Variants in CDH9 observed in about 807,000 individuals in gnomAD.
The protein encoded by CDH9 is cadherin-9.
In CDH9, 28 loss-of-function variants were observed where a neutral mutation model predicts 70.9. The ratio of observed to expected loss-of-function variants is 0.40; its 90% CI spans 0.29 to 0.54. The LOEUF (loss-of-function observed/expected upper bound fraction) is 0.54, where lower values mean the gene tolerates loss of function less well. Among genes scored for constraint, CDH9 ranks in the 20% least tolerant of loss-of-function variants. The pLI, the probability that CDH9 is intolerant of heterozygous loss-of-function variation, is 0.59. For synonymous variants in CDH9, 409 were observed against 343.1 expected (o/e 1.19, Z -2.12); for missense variants, 874 against 984.4 (o/e 0.89, Z 1.50).
intron 2 of CDH9, among the ~76,000 whole-genome samples, chr5:26,962,765 T>C (rs1742059425): frequency 6.6e-6 from 1 of 152,150 alleles, no homozygotes; most frequent in Non-Finnish European, 1.5e-5. Context: ...TATTATACTT[T>C]AAGTTCTAGA....
intron 1 of CDH9, among the ~76,000 whole-genome samples, chr5:27,035,174 T>C (rs955335966): frequency 8.4e-6 from 1 of 118,530 alleles, no homozygotes; most frequent in Non-Finnish European, 1.8e-5. Flanking sequence ...TGCATATGTA[T>C]ATATATATAT....
intron 1 of CDH9, among the ~76,000 whole-genome samples, chr5:27,023,516 A>G (rs1743173867): frequency 6.6e-6 from 1 of 152,034 alleles, no homozygotes; most frequent in African/African-American, 2.4e-5. Context: ...TATTTATATA[A>G]CTACTCTAGT....
chr5:26,924,999 C>A (rs1182455235), intron 2 of CDH9, among the ~76,000 whole-genome samples: 4 of 152,032 alleles, frequency 2.6e-5, no homozygotes, highest in African/African-American at 9.7e-5. Context: ...GTGAATAGTG[C>A]CACAATAAAC....
intron 2 of CDH9, among the ~76,000 whole-genome samples, chr5:26,929,946 T>G (rs1280399675): frequency 1.3e-5 from 2 of 151,902 alleles, no homozygotes; most frequent in Non-Finnish European, 2.9e-5. Context: ...CAACAAGGAT[T>G]GTCAAAAATA....
At chr5:26,901,081 T>A (rs1311522349) in intron 7 of CDH9, among the ~76,000 whole-genome samples, 2 of 151,998 alleles carry the variant, frequency 1.3e-5, no homozygotes, top group African/African-American at 4.8e-5. Context: ...ACGGCTAGAT[T>A]AATTTTTCAT....
chr5:27,018,685 T>C (rs1743086968), intron 1 of CDH9, among the ~76,000 whole-genome samples: 2 of 151,950 alleles, frequency 1.3e-5, no homozygotes, highest in African/African-American at 4.8e-5. Context: ...GAGTAAATTA[T>C]ATTATTTTTG....
intron 1 of CDH9, among the ~76,000 whole-genome samples, chr5:27,020,159 TG>T: frequency 6.6e-6 from 1 of 151,828 alleles, no homozygotes; most frequent in African/African-American, 2.4e-5. Context: ...TTATCTGAAT[TG>T]CCTACTATGT....
At chr5:26,972,146 T>C (rs1742230597) in intron 2 of CDH9, among the ~76,000 whole-genome samples, 1 of 152,130 alleles carries the variant, frequency 6.6e-6, no homozygotes, top group South Asian at 2.1e-4. Flanking sequence ...AGGGAAAACG[T>C]ACTGTAGTAA....
chr5:26,892,762 ACT>A (rs1740682069), intron 7 of CDH9, among the ~76,000 whole-genome samples: 1 of 151,592 alleles, frequency 6.6e-6, no homozygotes, highest in African/African-American at 2.4e-5. Flanking sequence ...ACTGAGTCTC[ACT>A]CTCTCGCCCA....
intron 2 of CDH9, among the ~76,000 whole-genome samples, chr5:26,924,796 T>C (rs1042572625): frequency 6.6e-6 from 1 of 152,124 alleles, no homozygotes; most frequent in African/African-American, 2.4e-5. Context: ...AGTGAGAACA[T>C]GCAGTGCTTA....
At position 26,980,299 on chromosome 5, in the gene CDH9, A is replaced by T. The variant is rs548961565; in HGVS notation, c.228+7807T>A. Among the ~76,000 whole-genome samples, 15 of 151,982 alleles carry T rather than the reference A, an allele frequency of 9.9e-5. No homozygotes were observed. In the South Asian group the frequency reaches 2.9e-3, roughly 29 times the overall value. ...ACTCACTTATTCATTATTATTGAACACTTTTTTTATGCTTCTGTTTTTAAC... is the reference window on the plus strand; with the variant it reads ...ACTCACTTATTCATTATTATTGAACTCTTTTTTTATGCTTCTGTTTTTAAC... On this transcript the variant is annotated intron_variant, in intron 2 of 11. Transcript: ENST00000231021.
intron 4 of CDH9, 114 bp downstream of exon 4, chr5:26,906,605 T>C (rs1006492416): frequency 6.8e-5 from 95 of 1,390,942 alleles, no homozygotes; most frequent in Admixed American, 2.9e-4. Context: ...AGGAAACAAA[T>C]AGAAACATGA....
At chr5:27,002,162 A>G (rs1742782321) in intron 1 of CDH9, among the ~76,000 whole-genome samples, 1 of 152,200 alleles carries the variant, frequency 6.6e-6, no homozygotes, top group Non-Finnish European at 1.5e-5. Flanking sequence ...CAAAAGACAC[A>G]TGAAAAAATG....
Position 26,903,753 on chromosome 5 carries a change from G to C in CDH9, c.883C>G (p.Pro295Ala), listed in dbSNP as rs375710909. Residue 295 changes from proline to alanine, a missense_variant, in exon 6 of 12, where the codon CCT (proline) becomes GCT (alanine). Coordinates refer to ENST00000231021, the MANE Select transcript of CDH9 (RefSeq NM_016279.4). ...THLGRIKAND[P>A]DVGENAEMEY... The stretch of plus-strand genomic sequence containing the variant: ...ATTTCTGCATTTTCCCCCACGTCAG[G>C]GTCATTGGCTTTTATCCTTCCAAGA... 4 of 1,607,668 alleles carry C rather than the reference G, an allele frequency of 2.5e-6. No individual in the cohort carries two copies. The highest frequency in any genetic ancestry group is 1.1e-5 in the South Asian group (1 of 90,150).
chr5:26,965,469 G>A (rs575310286), intron 2 of CDH9, among the ~76,000 whole-genome samples: 4 of 151,604 alleles, frequency 2.6e-5, no homozygotes, highest in African/African-American at 4.8e-5. Context: ...CCAGCTACTC[G>A]GGAGGCTGAG....
At chr5:26,931,062 T>C (rs758549014) in intron 2 of CDH9, among the ~76,000 whole-genome samples, 35 of 152,328 alleles carry the variant, frequency 2.3e-4, no homozygotes, top group Non-Finnish European at 2.9e-4. Context: ...GCATTACCTG[T>C]ACTTGAGCTC....
At chr5:27,015,840 AC>A (rs376757811) in intron 1 of CDH9, among the ~76,000 whole-genome samples, 4 of 151,858 alleles carry the variant, frequency 2.6e-5, no homozygotes, top group East Asian at 3.9e-4. Flanking sequence ...TGTCAACAGC[AC>A]TAGTCAGAAC....
chr5:26,997,217 T>C (rs922018340), intron 1 of CDH9, among the ~76,000 whole-genome samples: 1 of 152,090 alleles, frequency 6.6e-6, no homozygotes, highest in African/African-American at 2.4e-5. Flanking sequence ...GTTTAATAAA[T>C]AAACAAGGAT....
At chr5:26,954,377 A>T (rs1378566952) in intron 2 of CDH9, among the ~76,000 whole-genome samples, 2 of 86,758 alleles carry the variant, frequency 2.3e-5, no homozygotes, top group East Asian at 7.3e-4. Flanking sequence ...TTTCGCTATT[A>T]TACAGCCTTT....
Sources: gnomAD v4.1 joint callset for allele counts (sites outside exome capture counted in the v4.1 genomes callset) on GRCh38, gnomAD v4.1.1 for gene constraint, MANE v1.5 for transcripts, NCBI Gene and HGNC (gene_info 2026-07-23, HGNC 2026-07-21) for gene names.